Variants in WWP2 observed in about 807,000 individuals in gnomAD.
WWP2 encodes NEDD4-like E3 ubiquitin-protein ligase WWP2.
In WWP2, 57 loss-of-function variants were observed where a neutral mutation model predicts 121.0. The ratio of observed to expected loss-of-function variants is 0.47; its 90% CI spans 0.38 to 0.59. The LOEUF is 0.59. Ranked by LOEUF, WWP2 falls within the 20% of genes least tolerant of loss-of-function variation. The pLI, the probability that WWP2 is intolerant of heterozygous loss-of-function variation, is 0.00. For synonymous variants in WWP2, 449 were observed against 441.3 expected (o/e 1.02, Z -0.22); for missense variants, 962 against 1,158.9 (o/e 0.83, Z 2.47).
At chr16:69,830,299 C>G (rs986684565) in intron 4 of WWP2, among the ~76,000 whole-genome samples, 5 of 151,920 alleles carry the variant, frequency 3.3e-5, no homozygotes, top group African/African-American at 1.2e-4. Flanking sequence ...ACTTTGTTGC[C>G]CAGGCTGGTC....
At chr16:69,825,190 T>C (rs894249663) in intron 4 of WWP2, among the ~76,000 whole-genome samples, 1 of 109,682 alleles carries the variant, frequency 9.1e-6, no homozygotes, top group Non-Finnish European at 2.3e-5. Context: ...TTTGGGAGGC[T>C]GAGGTGGGCG....
chr16:69,931,047 A>G, intron 13 of WWP2, 105 bp from the exon 14 acceptor site: 2 of 1,068,550 alleles, frequency 1.9e-6, no homozygotes, highest in Non-Finnish European at 2.8e-6. Flanking sequence ...TTACATTACT[A>G]ATCTTTAAAT....
intron 10 of WWP2, among the ~76,000 whole-genome samples, chr16:69,923,503 G>C (rs531620111): frequency 6.6e-6 from 1 of 152,254 alleles, no homozygotes; most frequent in Non-Finnish European, 1.5e-5. Flanking sequence ...GAGACTGTCA[G>C]TAAAGACCTT....
At chr16:69,767,498 CTT>C in intron 1 of WWP2, among the ~76,000 whole-genome samples, 1 of 152,266 alleles carries the variant, frequency 6.6e-6, no homozygotes, top group East Asian at 1.9e-4. Context: ...TTTTGAGCGA[CTT>C]TGAGTCCCTT....
chr16:69,795,291 C>CAG (rs2056009669), intron 2 of WWP2, among the ~76,000 whole-genome samples: 1 of 151,404 alleles, frequency 6.6e-6, no homozygotes, highest in African/African-American at 2.4e-5. Flanking sequence ...CACACACACA[C>CAG]ACATACACAG....
chr16:69,840,372 C>T, intron 5 of WWP2, 109 bp downstream of exon 5: 1 of 1,481,188 alleles, frequency 6.8e-7, no homozygotes, highest in Non-Finnish European at 9.2e-7. Context: ...GTTTGATTCC[C>T]ACTCAGCCTG....
intron 4 of WWP2, among the ~76,000 whole-genome samples, chr16:69,818,608 TCA>T (rs1456320126): frequency 6.6e-6 from 1 of 152,160 alleles, no homozygotes; most frequent in Non-Finnish European, 1.5e-5. Flanking sequence ...AACCCAATGG[TCA>T]CTTCTCAAGC....
chr16:69,841,949 C>T (rs1231279231), intron 5 of WWP2, 75 bp from the exon 6 acceptor site: 1 of 1,446,276 alleles, frequency 6.9e-7, no homozygotes, highest in South Asian at 1.2e-5. Context: ...GAGTTCTGTT[C>T]CTGGCCGTCA....
intron 4 of WWP2, among the ~76,000 whole-genome samples, chr16:69,808,458 A>G (rs373594867): frequency 1.3e-5 from 2 of 151,800 alleles, no homozygotes; most frequent in African/African-American, 2.4e-5. Context: ...CTGGGGTGCA[A>G]TGGTGCAATC....
chr16:69,848,701 C>A (rs2057137757), intron 6 of WWP2, among the ~76,000 whole-genome samples: 1 of 143,428 alleles, frequency 7.0e-6, no homozygotes, highest in African/African-American at 2.6e-5. Context: ...ATTTTCCTTT[C>A]TTATGTGTAT....
intron 7 of WWP2, among the ~76,000 whole-genome samples, chr16:69,881,639 A>G (rs1342064153): frequency 1.3e-5 from 2 of 152,258 alleles, no homozygotes; most frequent in Non-Finnish European, 2.9e-5. Flanking sequence ...TTCTGAAAGT[A>G]ATATCCAAAA....
chr16:69,936,751 G>A lies in WWP2; in HGVS notation c.2117+299G>A, dbSNP rs961255733. 31 of 503,328 alleles carry A rather than the reference G, an allele frequency of 6.2e-5. 1 individual carries two copies. The highest frequency in any genetic ancestry group is 1.1e-3 in the Middle Eastern group (2 of 1,832). 31.2% of individuals were successfully genotyped at this position (503,328 alleles called of 1,614,324 possible). ...AGACATCTGCATCTTTCTCCGGGCC[G>A]AAAGGATCTCTGTGGCCTGTGTGCC... On this transcript the variant is annotated intron_variant, in intron 19 of 23. Transcript: ENST00000359154.
intron 8 of WWP2, among the ~76,000 whole-genome samples, chr16:69,898,026 T>TC (rs1229934074): frequency 8.9e-6 from 1 of 112,456 alleles, no homozygotes; most frequent in Non-Finnish European, 1.8e-5. Flanking sequence ...TTTCTTTCTT[T>TC]CTTTTTTTTT....
rs1280647884 is a variant in WWP2 at position 69,762,358 on chromosome 16, G to A, written c.-49G>A. ...CGGGCGGTGGAAGGCGGAAGTAGGA[G>A]AGGAGTTCGGCGCCGCTTCTGTGGC... On this transcript the variant is annotated 5_prime_UTR_variant, in exon 1 of 24. Coordinates refer to ENST00000359154, the MANE Select transcript of WWP2 (RefSeq NM_001270454.2). The A allele has an allele frequency of 6.6e-6, 1 of 151,712 alleles. No homozygotes were observed. Among genetic ancestry groups the A allele is most frequent in the Non-Finnish European group, 1.5e-5 (1 of 67,786 alleles). 9.4% of individuals were successfully genotyped at this position (151,712 alleles called of 1,614,324 possible).
intron 4 of WWP2, among the ~76,000 whole-genome samples, chr16:69,830,422 CAG>C (rs1048943271): frequency 1.3e-5 from 2 of 152,148 alleles, no homozygotes; most frequent in Non-Finnish European, 2.9e-5. Context: ...GAACAAGAAA[CAG>C]AGAAAAAGTT....
chr16:69,830,481 C>G (rs1228325706), intron 4 of WWP2, among the ~76,000 whole-genome samples: 1 of 152,172 alleles, frequency 6.6e-6, no homozygotes, highest in Non-Finnish European at 1.5e-5. Flanking sequence ...TAGAAGAGTT[C>G]ATACAACCCT....
intron 8 of WWP2, among the ~76,000 whole-genome samples, chr16:69,902,432 A>T (rs962391985): frequency 6.6e-6 from 1 of 152,240 alleles, no homozygotes; most frequent in African/African-American, 2.4e-5. Context: ...CTGCTTTTAA[A>T]GTACTTTGAA....
In WWP2 at chr16:69,849,381, G is replaced by A. The variant is rs2057155881; in HGVS notation, c.575+7261G>A. Among the ~76,000 whole-genome samples the A allele has an allele frequency of 3.9e-5, 6 of 152,264 alleles. No individual in the cohort carries two copies. The South Asian group carries it at 1.2e-3, about 32-fold the overall frequency. ...ATTTAGAGATGTTGCCCTGTCAGCA[G>A]GAAAGTCCTCCCATGCAGTAGCTTA... On this transcript the variant is annotated intron_variant, in intron 6 of 23. Coordinates refer to ENST00000359154, the MANE Select transcript of WWP2 (RefSeq NM_001270454.2).
intron 6 of WWP2, among the ~76,000 whole-genome samples, chr16:69,849,111 A>G (rs2057148490): frequency 6.6e-6 from 1 of 152,252 alleles, no homozygotes; most frequent in Non-Finnish European, 1.5e-5. Flanking sequence ...GTGTCTGCAG[A>G]CAGCCTATCC....
Sources: gnomAD v4.1 joint callset for allele counts (sites outside exome capture counted in the v4.1 genomes callset) on GRCh38, gnomAD v4.1.1 for gene constraint, MANE v1.5 for transcripts, NCBI Gene and HGNC (gene_info 2026-07-23, HGNC 2026-07-21) for gene names.